NDST3: variants seen among roughly 807,000 people sequenced by gnomAD.
The protein encoded by NDST3 is N-deacetylase and N-sulfotransferase 3.
Under a neutral mutation model 96.1 loss-of-function variants are expected in NDST3, and 58 were observed. The observed-to-expected ratio is 0.60, with a 90% CI of 0.49 to 0.75. The LOEUF (loss-of-function observed/expected upper bound fraction) is 0.75. Ranked by LOEUF, NDST3 falls within the 30% of genes least tolerant of loss-of-function variation. The pLI is 0.00. For missense variants in NDST3, 788 were observed against 1,034.2 expected, an observed-to-expected ratio of 0.76 and a Z score of 3.27; for synonymous variants, 333 against 359.7, an observed-to-expected ratio of 0.93 and a Z score of 0.84.
At chr4:118,176,805 C>G (rs990046703) in intron 6 of NDST3, among the ~76,000 whole-genome samples, 2 of 151,968 alleles carry the variant, frequency 1.3e-5, no homozygotes, top group African/African-American at 2.4e-5. Flanking sequence ...ATGAAATAAT[C>G]TGATGAAAGA....
intron 6 of NDST3, among the ~76,000 whole-genome samples, chr4:118,201,287 C>T (rs72917104): frequency 0.17 from 25,789 of 152,156 alleles, 2,333 homozygotes; most frequent in South Asian, 0.23. Flanking sequence ...TTATTTTCTT[C>T]TGGGTGTAAA....
At chr4:118,140,809 G>T (rs1401460495) in intron 5 of NDST3, among the ~76,000 whole-genome samples, 1 of 152,142 alleles carries the variant, frequency 6.6e-6, no homozygotes, top group Non-Finnish European at 1.5e-5. Flanking sequence ...CAGCATGTGG[G>T]AAACTGTCCC....
Position 118,140,854 on chromosome 4 carries a change from G to C in NDST3, c.1410+2615G>C, listed in dbSNP as rs955490892. Among the ~76,000 whole-genome samples, 2 of 152,162 alleles carry C rather than the reference G, an allele frequency of 1.3e-5. 1 individual carries two copies. The highest frequency in any genetic ancestry group is 4.8e-5 in the African/African-American group (2 of 41,440). On this transcript the variant is annotated intron_variant, in intron 5 of 13. Coordinates refer to ENST00000296499, the MANE Select transcript of NDST3 (RefSeq NM_004784.3). ...GTTACCTCCACCTGGTCTCTCCCTTGACATATGAGTATTATGGGGATTACA... is the reference window on the plus strand; with the variant it reads ...GTTACCTCCACCTGGTCTCTCCCTTCACATATGAGTATTATGGGGATTACA...
rs1038291235 is a variant in NDST3 at position 118,094,589 on chromosome 4, T to G, written c.982-10429T>G. 4.6e-5 allele frequency among the ~76,000 whole-genome samples: 7 copies of G among 152,012 alleles called. No individual in the cohort carries two copies. The South Asian group carries it at 1.2e-3, about 27-fold the overall frequency. ...GTCATTATCTCTATTTACCCTTTAG[T>G]TACCCTATACAAATTTTCAGTCAAA... On this transcript the variant is annotated intron_variant, in intron 2 of 13. Transcript: ENST00000296499.
At chr4:118,058,649 G>A (rs1725654127) in intron 2 of NDST3, among the ~76,000 whole-genome samples, 1 of 147,630 alleles carries the variant, frequency 6.8e-6, no homozygotes, top group South Asian at 2.2e-4. Context: ...GCGCGCGCAC[G>A]CATGCATGCA....
chr4:118,129,909 C>CTATATATATATATATATATATATATA (rs1732463538), intron 4 of NDST3, among the ~76,000 whole-genome samples: 1 of 151,946 alleles, frequency 6.6e-6, no homozygotes, highest in South Asian at 2.1e-4. Context: ...TATACTATTA[C>CTATATATATATATATATATATATATA]GGGGTTGACT....
At chr4:118,179,627 A>G (rs572133718) in intron 6 of NDST3, among the ~76,000 whole-genome samples, 2 of 152,172 alleles carry the variant, frequency 1.3e-5, no homozygotes, top group South Asian at 2.1e-4. Context: ...TTTAATATAT[A>G]TGTATCCTTG....
intron 6 of NDST3, among the ~76,000 whole-genome samples, chr4:118,169,986 T>C (rs557823463): frequency 6.6e-6 from 1 of 152,242 alleles, no homozygotes; most frequent in East Asian, 1.9e-4. Flanking sequence ...TCTGGGTCTC[T>C]TCCCAGAACA....
At chr4:118,133,961 C>T (rs1055731379) in intron 4 of NDST3, among the ~76,000 whole-genome samples, 6 of 152,160 alleles carry the variant, frequency 3.9e-5, no homozygotes, top group Middle Eastern at 3.2e-3. Context: ...ACATAAATGT[C>T]TTTTCTATGC....
rs980731517 is a variant in NDST3, at chr4:118,092,103, T to C, written c.982-12915T>C. Among the ~76,000 whole-genome samples the C allele has an allele frequency of 6.0e-5, 9 of 150,838 alleles. No homozygotes were observed. In the Admixed American group the frequency reaches 6.0e-4, roughly 10 times the overall value. ...TATATTTTAAGTTCTAGGGTACATG[T>C]GTACAATGTGCAGGTTTGTCACATA... is the stretch of plus-strand genomic sequence containing the variant. On this transcript the variant is annotated intron_variant, in intron 2 of 13. Coordinates refer to ENST00000296499, the MANE Select transcript of NDST3 (RefSeq NM_004784.3).
At chr4:118,162,524 T>G (rs367824618) in intron 6 of NDST3, among the ~76,000 whole-genome samples, 24,331 of 151,498 alleles carry the variant, frequency 0.16, 2,081 homozygotes, top group South Asian at 0.23. Context: ...TAATAAATGG[T>G]GCTGGGAAAA....
chr4:118,137,797 T>C (rs1733236292), intron 4 of NDST3, among the ~76,000 whole-genome samples: 1 of 152,146 alleles, frequency 6.6e-6, no homozygotes, highest in Admixed American at 6.5e-5. Context: ...AGAGGCTCTT[T>C]CAAATTATTC....
At chr4:118,046,644 G>C (rs940716915) in intron 1 of NDST3, among the ~76,000 whole-genome samples, 1 of 152,086 alleles carries the variant, frequency 6.6e-6, no homozygotes, top group African/African-American at 2.4e-5. Flanking sequence ...GGATTCCTCA[G>C]AGCACCCAGA....
chr4:118,130,034 G>A (rs1396876425), intron 4 of NDST3, among the ~76,000 whole-genome samples: 1 of 151,950 alleles, frequency 6.6e-6, no homozygotes, highest in African/African-American at 2.4e-5. Context: ...CAATTGGCAT[G>A]GAATATCTTT....
chr4:118,065,395 C>A (rs143527945), intron 2 of NDST3, among the ~76,000 whole-genome samples: 3 of 152,234 alleles, frequency 2.0e-5, no homozygotes, highest in African/African-American at 7.2e-5. Flanking sequence ...CCCTTACACA[C>A]AGGAGGTTAA....
At chr4:118,168,542 C>A (rs182837773) in intron 6 of NDST3, among the ~76,000 whole-genome samples, 1 of 149,248 alleles carries the variant, frequency 6.7e-6, no homozygotes, top group Non-Finnish European at 1.5e-5. Context: ...TAAAATGGTA[C>A]GGCTGCTATG....
At chr4:118,191,885 A>C (rs1238433515) in intron 6 of NDST3, among the ~76,000 whole-genome samples, 1 of 152,168 alleles carries the variant, frequency 6.6e-6, no homozygotes, top group African/African-American at 2.4e-5. Context: ...TAGTTGTACT[A>C]ATTTACATTC....
At position 118,054,186 on chromosome 4, in the gene NDST3, T is replaced by G. The variant is rs372524382; in HGVS notation, c.276T>G (p.Gly92=). Residue 92 remains glycine, a synonymous_variant, in exon 2 of 14, where the codon GGT becomes GGG. Coordinates refer to ENST00000296499, the MANE Select transcript of NDST3 (RefSeq NM_004784.3). ...TAGAGAGCCAGTACTCATCTCTTGG[T>G]CAAGACATCATTATGATTCTAGAAT... ...VFVESQYSSL[G]QDIIMILESS... 2 of 1,613,088 alleles carry G rather than the reference T, an allele frequency of 1.2e-6. No homozygotes were observed. Among genetic ancestry groups the G allele is most frequent in the Non-Finnish European group, 1.7e-6 (2 of 1,179,398 alleles).
chr4:118,224,760 C>A (rs189293712), intron 7 of NDST3, 87 bp downstream of exon 7: 71 of 1,128,724 alleles, frequency 6.3e-5, no homozygotes, highest in Non-Finnish European at 7.7e-5. Flanking sequence ...GTGAAGGCAC[C>A]TGAAAAAACC....
Sources: gnomAD v4.1 joint callset for allele counts (sites outside exome capture counted in the v4.1 genomes callset) on GRCh38, gnomAD v4.1.1 for gene constraint, MANE v1.5 for transcripts, NCBI Gene and HGNC (gene_info 2026-07-23, HGNC 2026-07-21) for gene names.